Variants in NEXMIF observed in about 807,000 individuals in gnomAD.
The protein encoded by NEXMIF is XLMR protein related to neurite extension.
In NEXMIF, 8 loss-of-function variants were observed where a neutral mutation model predicts 62.1. That is an observed-to-expected ratio of 0.13 (90% CI 0.08 to 0.23). The LOEUF (loss-of-function observed/expected upper bound fraction) is 0.23, where lower values mean the gene tolerates loss of function less well. NEXMIF is among the 10% of genes least tolerant of loss of function. NEXMIF has a pLI of 1.00. For missense variants in NEXMIF, 976 were observed against 1,113.3 expected (o/e 0.88, Z 1.75); for synonymous variants, 404 against 416.6 (o/e 0.97, Z 0.37).
chrX:74,798,119 C>A (rs1049716694), intron 1 of NEXMIF, among the ~76,000 whole-genome samples: 1 of 111,888 alleles, frequency 8.9e-6, no homozygotes, highest in Non-Finnish European at 1.9e-5. Flanking sequence ...CTTCAAAATG[C>A]CATTCTTGAG....
chrX:74,837,854 A>C (rs184090746), intron 1 of NEXMIF, among the ~76,000 whole-genome samples: 3 of 111,771 alleles, frequency 2.7e-5, no homozygotes, highest in Non-Finnish European at 3.8e-5. Flanking sequence ...AGGCATCAAA[A>C]GGAAAAAAAA....
intron 1 of NEXMIF, among the ~76,000 whole-genome samples, chrX:74,764,213 C>T (rs1315829280): frequency 8.9e-6 from 1 of 111,832 alleles, no homozygotes; most frequent in Non-Finnish European, 1.9e-5. Context: ...TTTTCTGCAT[C>T]TATTGAGATA....
rs1018986044 is a variant in NEXMIF at position 74,743,203 on chromosome X, C to A, written c.1354G>T (p.Ala452Ser). Residue 452 changes from alanine (A) to serine (S), a missense_variant, in exon 3 of 4, where the codon GCT becomes TCT. Physicochemically the swap from Ala to Ser is moderately conservative, Grantham distance 99. Around this residue, in one of 5 missense-constraint regions of NEXMIF, gnomAD observed 639 missense variants for 694.5 expected, o/e 0.92. Coordinates refer to ENST00000055682, the MANE Select transcript of NEXMIF (RefSeq NM_001008537.3). ...DSSFIEISYD[A>S]MGEIKDCSRY... Reference sequence around the variant, plus strand: ...CTACAGTCCTTGATCTCACCCATAGCATCATATGAGATCTCAATGAAGGAA... The same window carrying A: ...CTACAGTCCTTGATCTCACCCATAGAATCATATGAGATCTCAATGAAGGAA... The A allele has an allele frequency of 8.3e-7, 1 of 1,211,084 alleles. No homozygotes were observed. The highest frequency in any genetic ancestry group is 1.7e-5 in the African/African-American group (1 of 57,760).
rs777743150 is a variant in NEXMIF at position 74,819,301 on chromosome X, A to C, written c.-47-73604T>G. ...AAGGACTTCATGACTAAAACACCAA[A>C]AGCAATGGCAACAAAAGCCAAAATA... On this transcript the variant is annotated intron_variant, in intron 1 of 3. Coordinates refer to ENST00000055682, the MANE Select transcript of NEXMIF (RefSeq NM_001008537.3). 1.3e-4 allele frequency among the ~76,000 whole-genome samples: 15 copies of C among 112,103 alleles called. 1 individual carries two copies. In the South Asian group the frequency reaches 5.6e-3, roughly 42 times the overall value.
chrX:74,855,926 C>T (rs1302158655), intron 1 of NEXMIF, among the ~76,000 whole-genome samples: 6 of 111,988 alleles, frequency 5.4e-5, no homozygotes, highest in Non-Finnish European at 1.1e-4. Context: ...ACAGGAGCAA[C>T]AAAAAGACCT....
chrX:74,791,830 T>G (rs1332833315), intron 1 of NEXMIF, among the ~76,000 whole-genome samples: 7 of 111,012 alleles, frequency 6.3e-5, no homozygotes, highest in African/African-American at 2.3e-4. Context: ...GATATCCCCT[T>G]TATCATTTTT....
intron 1 of NEXMIF, among the ~76,000 whole-genome samples, chrX:74,794,869 C>T (rs2080301055): frequency 9.0e-6 from 1 of 111,731 alleles, no homozygotes; most frequent in African/African-American, 3.3e-5. Context: ...GACCTACGCC[C>T]ACTGTCTGGC....
rs755696891 is a variant in NEXMIF at position 74,733,792 on chromosome X, CACA to C, written c.*5610_*5612del. The C allele has an allele frequency of 1.8e-5, 2 of 112,363 alleles. No individual in the cohort carries two copies. Among genetic ancestry groups the C allele is most frequent in the East Asian group, 5.6e-4 (2 of 3,591 alleles). 9.3% of individuals were successfully genotyped at this position (112,363 alleles called of 1,213,427 possible). ...TTTGCACAAGATCACTACACTCTTTCACAACATGTTTTGTGTTACAAAATTTCC... is the reference window on the plus strand; with the variant it reads ...TTTGCACAAGATCACTACACTCTTTCACATGTTTTGTGTTACAAAATTTCC... On this transcript the variant is annotated 3_prime_UTR_variant, in exon 4 of 4. Coordinates refer to ENST00000055682, the MANE Select transcript of NEXMIF (RefSeq NM_001008537.3).
Position 74,736,709 on chromosome X carries a change from G to A in NEXMIF, c.*2696C>T, listed in dbSNP as rs962333479. 6.3e-5 allele frequency: 7 copies of A among 111,610 alleles called. No individual in the cohort carries two copies. The highest frequency in any genetic ancestry group is 1.9e-4 in the Admixed American group (2 of 10,449). 9.2% of individuals were successfully genotyped at this position (111,610 alleles called of 1,213,427 possible). ...TAAGAGAATAAACATCTTCTGCCTC[G>A]GCCTATTGCTCATTTCTCAAACTCT... On this transcript the variant is annotated 3_prime_UTR_variant, in exon 4 of 4. Transcript: ENST00000055682.
chrX:74,861,236 A>C (rs1202401617), intron 1 of NEXMIF, among the ~76,000 whole-genome samples: 1 of 111,803 alleles, frequency 8.9e-6, no homozygotes, highest in Non-Finnish European at 1.9e-5. Flanking sequence ...AGTAGAAGAA[A>C]GAATTTCAGA....
intron 1 of NEXMIF, among the ~76,000 whole-genome samples, chrX:74,806,466 A>G (rs1229564986): frequency 9.0e-6 from 1 of 111,592 alleles, no homozygotes; most frequent in Non-Finnish European, 1.9e-5. Context: ...CTCTATAGCT[A>G]TTAATTAATA....
At chrX:74,919,821 T>A (rs1024747896) in intron 1 of NEXMIF, among the ~76,000 whole-genome samples, 1 of 110,628 alleles carries the variant, frequency 9.0e-6, no homozygotes, top group African/African-American at 3.3e-5. Context: ...TTCCCCTTCC[T>A]GTGTCCATGT....
chrX:74,859,610 ATAT>A (rs1406945729), intron 1 of NEXMIF, among the ~76,000 whole-genome samples: 1 of 111,667 alleles, frequency 9.0e-6, no homozygotes, highest in East Asian at 2.8e-4. Flanking sequence ...AAAAACTAGA[ATAT>A]TATAACACCA....
At chrX:74,759,216 C>T (rs1403138192) in intron 1 of NEXMIF, among the ~76,000 whole-genome samples, 1 of 111,990 alleles carries the variant, frequency 8.9e-6, no homozygotes, top group African/African-American at 3.2e-5. Flanking sequence ...ATGTCCTTTG[C>T]CCACTTTTTA....
intron 1 of NEXMIF, among the ~76,000 whole-genome samples, chrX:74,796,203 T>TATATATTATATATATATAC (rs2080308728): frequency 8.6e-5 from 2 of 23,314 alleles, no homozygotes; most frequent in Non-Finnish European, 3.4e-4. Flanking sequence ...TATATATACA[T>TATATATTATATATATATAC]ATATATTATA....
chrX:74,881,440 A>G (rs996850644), intron 1 of NEXMIF, among the ~76,000 whole-genome samples: 1 of 107,100 alleles, frequency 9.3e-6, no homozygotes, highest in African/African-American at 3.6e-5. Flanking sequence ...AATACAGGGG[A>G]AAAAGGCAGA....
chrX:74,799,781 C>A (rs909301192), intron 1 of NEXMIF, among the ~76,000 whole-genome samples: 1 of 111,746 alleles, frequency 8.9e-6, no homozygotes, highest in Admixed American at 9.5e-5. Flanking sequence ...CAGGCATGAG[C>A]CACTGTGCCC....
chrX:74,811,318 T>A (rs1376539831), intron 1 of NEXMIF, among the ~76,000 whole-genome samples: 2 of 111,514 alleles, frequency 1.8e-5, no homozygotes, highest in Admixed American at 1.9e-4. Context: ...AAATATGACT[T>A]CCCCTTCCAT....
intron 1 of NEXMIF, among the ~76,000 whole-genome samples, chrX:74,817,103 AT>A (rs200058777): frequency 3.5e-4 from 38 of 109,494 alleles, no homozygotes; most frequent in South Asian, 7.7e-4. Context: ...AGAGATTCAG[AT>A]TTTTTTTTTA....
Sources: allele counts gnomAD v4.1 joint callset (sites outside exome capture counted in the v4.1 genomes callset), GRCh38; gene constraint gnomAD v4.1.1; regional missense constraint gnomAD v4.1.1; transcripts MANE v1.5; gene names NCBI Gene and HGNC (gene_info 2026-07-23, HGNC 2026-07-21).